Variants in PRR5L observed in about 807,000 individuals in gnomAD.
PRR5L encodes the protein proline rich 5 like.
A neutral mutation model predicts 36.4 loss-of-function variants in PRR5L; 21 were observed. The observed-to-expected ratio is 0.58, with a 90% confidence interval of 0.41 to 0.83. PRR5L has a LOEUF of 0.83. Among genes scored for constraint, PRR5L ranks in the 40% least tolerant of loss-of-function variants. The probability of loss-of-function intolerance (pLI) is 0.00; values close to 1 mark genes in which losing one functional copy is unlikely to be tolerated. For synonymous variants in PRR5L, 188 were observed against 197.0 expected (o/e 0.95, Z 0.38); for missense variants, 381 against 473.3 (o/e 0.80, Z 1.81).
intron 1 of PRR5L, among the ~76,000 whole-genome samples, chr11:36,307,568 A>G (rs1856448450): frequency 1.3e-5 from 2 of 152,126 alleles, no homozygotes; most frequent in African/African-American, 4.8e-5. Context: ...AATGACATCT[A>G]GAATAGCAGA....
intron 5 of PRR5L, 138 bp downstream of exon 5, chr11:36,432,048 A>G (rs930217169): frequency 1.9e-5 from 12 of 642,732 alleles, no homozygotes; most frequent in Non-Finnish European, 3.0e-5. Flanking sequence ...CTACCTAGGC[A>G]GCAGCACTTT....
intron 1 of PRR5L, among the ~76,000 whole-genome samples, chr11:36,336,672 G>A (rs982059376): frequency 1.3e-4 from 20 of 151,424 alleles, no homozygotes; most frequent in African/African-American, 4.4e-4. Context: ...ATAAATAAAC[G>A]TCATTCTCAT....
chr11:36,304,577 A>G (rs899929153), intron 1 of PRR5L, among the ~76,000 whole-genome samples: 1 of 152,278 alleles, frequency 6.6e-6, no homozygotes, highest in Non-Finnish European at 1.5e-5. Context: ...TGATAGTTGC[A>G]TAATGGTTCT....
chr11:36,417,804 A>G lies in PRR5L; in HGVS notation c.246-1451A>G, dbSNP rs115790968. Among the ~76,000 whole-genome samples the G allele has an allele frequency of 4.8e-3, 726 of 152,162 alleles. 8 individuals carry two copies. The highest frequency in any genetic ancestry group is 0.015 in the African/African-American group (636 of 41,508). The stretch of plus-strand genomic sequence containing the variant: ...GACATGAGTGAACGTGTTTTGGGGG[A>G]GTGAATACTCAGCAAGCGTCGTCAG... On this transcript the variant is annotated intron_variant, in intron 3 of 8. Transcript: ENST00000530639.
rs1856413537 is a variant in PRR5L at position 36,304,786 on chromosome 11, C to T, written c.-126+8348C>T. Among the ~76,000 whole-genome samples, 4 of 152,186 alleles carry T rather than the reference C, an allele frequency of 2.6e-5. No homozygotes were observed. The South Asian group carries it at 8.3e-4, about 32-fold the overall frequency. ...ACATTGAAAGTCATGGTAATAATCT[C>T]CCTCTAGCCATCAGGGAAAAGCAAA... is the stretch of plus-strand genomic sequence containing the variant. On this transcript the variant is annotated intron_variant, in intron 1 of 8. Transcript: ENST00000530639.
In PRR5L at chr11:36,463,644, TA is replaced by T. The variant is rs200390084; in HGVS notation, c.*919del. 0.25 allele frequency: 37,336 copies of T among 146,954 alleles called. 4,779 individuals carry two copies. The highest frequency in any genetic ancestry group is 0.31 in the Admixed American group (4,648 of 14,902). 9.1% of individuals were successfully genotyped at this position (146,954 alleles called of 1,614,324 possible). A position where few individuals can be genotyped will look rare whatever the true frequency, so the allele number is the denominator to read the frequency against. On this transcript the variant is annotated 3_prime_UTR_variant, in exon 9 of 9. Transcript: ENST00000530639. Reference sequence around the variant, plus strand: ...TTGAATTTTTAAAATGTGTATCGTTTAAAAAAAAAAATGTTTGCAAATTTTG... The same window carrying T: ...TTGAATTTTTAAAATGTGTATCGTTTAAAAAAAAAATGTTTGCAAATTTTG...
At chr11:36,458,123 C>G (rs1460619480) in intron 8 of PRR5L, among the ~76,000 whole-genome samples, 1 of 152,190 alleles carries the variant, frequency 6.6e-6, no homozygotes, top group Non-Finnish European at 1.5e-5. Flanking sequence ...TGCTCCTTGG[C>G]GTTTTGTCTC....
chr11:36,388,873 G>C (rs1282753746), intron 1 of PRR5L, among the ~76,000 whole-genome samples: 1 of 151,888 alleles, frequency 6.6e-6, no homozygotes, highest in African/African-American at 2.4e-5. Flanking sequence ...TGATTTTTTT[G>C]TATTTTTAGT....
At chr11:36,446,240 G>T in intron 6 of PRR5L, 60 bp from the exon 7 acceptor site, 1 of 1,585,562 alleles carries the variant, frequency 6.3e-7, no homozygotes, top group Non-Finnish European at 8.6e-7. Flanking sequence ...AACCCCACAT[G>T]GTCGGTGGCA....
intron 1 of PRR5L, among the ~76,000 whole-genome samples, chr11:36,318,303 A>G (rs1331582816): frequency 6.6e-6 from 1 of 152,166 alleles, no homozygotes; most frequent in Admixed American, 6.6e-5. Context: ...GGTTCTATTT[A>G]CCTATCTTTG....
intron 1 of PRR5L, among the ~76,000 whole-genome samples, chr11:36,367,300 T>C (rs12288088): frequency 0.057 from 8,661 of 152,274 alleles, 836 homozygotes; most frequent in African/African-American, 0.2. Context: ...GAAACAAACA[T>C]AATGGTTGGT....
At chr11:36,362,368 A>G (rs922333109) in intron 1 of PRR5L, among the ~76,000 whole-genome samples, 3 of 142,264 alleles carry the variant, frequency 2.1e-5, no homozygotes, top group Non-Finnish European at 1.5e-5. Context: ...TAGAAAATCT[A>G]TCTTGCAAGT....
chr11:36,431,796 C>T (rs1347368546), intron 4 of PRR5L, 57 bp from the exon 5 acceptor site: 4 of 1,509,398 alleles, frequency 2.7e-6, no homozygotes, highest in African/African-American at 2.7e-5. Context: ...GAAGAGGGTT[C>T]ATCACTTACG....
intron 1 of PRR5L, among the ~76,000 whole-genome samples, chr11:36,368,601 C>G (rs1475978398): frequency 1.3e-5 from 2 of 152,178 alleles, no homozygotes; most frequent in Non-Finnish European, 2.9e-5. Flanking sequence ...CACTCTCATT[C>G]TCTCACAAGT....
intron 4 of PRR5L, among the ~76,000 whole-genome samples, chr11:36,430,520 A>T (rs915982540): frequency 5.3e-5 from 8 of 152,204 alleles, no homozygotes; most frequent in Middle Eastern, 3.2e-3. Context: ...CAGAAATGGG[A>T]TAGTACCTTT....
intron 1 of PRR5L, among the ~76,000 whole-genome samples, chr11:36,298,521 T>C (rs1856338539): frequency 6.6e-6 from 1 of 152,110 alleles, no homozygotes; most frequent in African/African-American, 2.4e-5. Flanking sequence ...CAGTTCACAA[T>C]AGGGTTTGTG....
intron 1 of PRR5L, among the ~76,000 whole-genome samples, chr11:36,318,222 T>G (rs184133938): frequency 1.3e-5 from 2 of 152,344 alleles, no homozygotes; most frequent in Admixed American, 1.3e-4. Context: ...TTCTGTGATG[T>G]TTGCACAATG....
intron 4 of PRR5L, among the ~76,000 whole-genome samples, chr11:36,423,291 AT>A (rs1439441025): frequency 6.6e-6 from 1 of 152,102 alleles, no homozygotes; most frequent in East Asian, 1.9e-4. Context: ...GTATTTTTCC[AT>A]TTGCTGCTCA....
intron 1 of PRR5L, among the ~76,000 whole-genome samples, chr11:36,325,695 C>T (rs1460119338): frequency 2.6e-5 from 4 of 152,210 alleles, no homozygotes; most frequent in Non-Finnish European, 5.9e-5. Flanking sequence ...GATGCCCTCA[C>T]CTTCCCAGCT....
Sources: allele counts gnomAD v4.1 joint callset (sites outside exome capture counted in the v4.1 genomes callset), GRCh38; gene constraint gnomAD v4.1.1; transcripts MANE v1.5; gene names NCBI Gene and HGNC (gene_info 2026-07-23, HGNC 2026-07-21).